The following MAMLD1 variants were observed in gnomAD, a reference collection of about 807,000 sequenced individuals.
MAMLD1 encodes the protein mastermind-like domain-containing protein 1.
Under a neutral mutation model 45.0 loss-of-function variants are expected in MAMLD1, and 14 were observed. The observed-to-expected ratio is 0.31, with a 90% CI of 0.21 to 0.49. MAMLD1 has a LOEUF of 0.49. Among genes scored for constraint, MAMLD1 ranks in the 20% least tolerant of loss-of-function variants. The pLI is 0.99. For missense variants in MAMLD1, 543 were observed against 603.6 expected (o/e 0.90, Z 1.05); for synonymous variants, 254 against 247.8 (o/e 1.02, Z -0.24).
chrX:150,382,496 T>C (rs1287702346), intron 1 of MAMLD1, among the ~76,000 whole-genome samples: 2 of 111,768 alleles, frequency 1.8e-5, no homozygotes, highest in African/African-American at 6.5e-5. Context: ...TAGAATAACC[T>C]TGTCTACGTC....
chrX:150,462,060 G>A (rs1557405641), intron 2 of MAMLD1, among the ~76,000 whole-genome samples: 1 of 111,998 alleles, frequency 8.9e-6, no homozygotes, highest in Non-Finnish European at 1.9e-5. Flanking sequence ...CAGTTACAGA[G>A]GCACTCCCTG....
chrX:150,370,766 C>T (rs2031917274), intron 1 of MAMLD1, among the ~76,000 whole-genome samples: 1 of 111,709 alleles, frequency 9.0e-6, no homozygotes, highest in South Asian at 3.7e-4. Flanking sequence ...GAGTTTTCTC[C>T]TAAAATCTGA....
At chrX:150,405,027 C>T (rs1336184070) in intron 1 of MAMLD1, among the ~76,000 whole-genome samples, 1 of 112,351 alleles carries the variant, frequency 8.9e-6, no homozygotes, top group Admixed American at 9.5e-5. Context: ...TTTCATTAGT[C>T]TTTGGCAAAT....
At chrX:150,429,661 T>G (rs1209131131) in intron 1 of MAMLD1, among the ~76,000 whole-genome samples, 2 of 111,650 alleles carry the variant, frequency 1.8e-5, no homozygotes, top group African/African-American at 6.5e-5. Flanking sequence ...ATATAAATTT[T>G]TGATATAAAC....
intron 1 of MAMLD1, among the ~76,000 whole-genome samples, chrX:150,417,996 T>C (rs1228668812): frequency 3.6e-5 from 4 of 110,732 alleles, no homozygotes; most frequent in Non-Finnish European, 7.6e-5. Flanking sequence ...TTGATTGGAA[T>C]AGTTTCAGAA....
Position 150,470,658 on chromosome X carries a change from C to A in MAMLD1, c.1085C>A (p.Pro362His). 8.3e-7 allele frequency: 1 copy of A among 1,211,949 alleles called. No individual in the cohort carries two copies. Among genetic ancestry groups the A allele is most frequent in the South Asian group, 1.8e-5 (1 of 57,006 alleles). The part of the protein sequence containing the change: ...PLPPPPPPFS[P>H]QSLMVSCMSS... ...CCACCACCACCACCCCCATTCAGCC[C>A]CCAGAGCCTCATGGTGTCCTGCATG... Residue 362 changes from proline to histidine, a missense_variant, in exon 4 of 8, where the codon CCC becomes CAC. Coordinates refer to ENST00000370401, the MANE Select transcript of MAMLD1 (RefSeq NM_005491.5).
chrX:150,443,452 C>A (rs112865828), intron 1 of MAMLD1, among the ~76,000 whole-genome samples: 3 of 104,952 alleles, frequency 2.9e-5, no homozygotes, highest in Non-Finnish European at 3.9e-5. Context: ...TACATGTGCA[C>A]AATGTGCAGG....
intron 5 of MAMLD1, among the ~76,000 whole-genome samples, chrX:150,489,657 G>GT (rs1557407848): frequency 9.2e-6 from 1 of 109,189 alleles, no homozygotes; most frequent in Non-Finnish European, 1.9e-5. Flanking sequence ...CACTGGGGCA[G>GT]TGGGGGTGTG....
intron 5 of MAMLD1, among the ~76,000 whole-genome samples, chrX:150,483,918 T>C (rs930296047): frequency 3.6e-5 from 4 of 112,604 alleles, no homozygotes; most frequent in African/African-American, 1.3e-4. Context: ...TTATTACTTT[T>C]CCCTGATTAA....
intron 1 of MAMLD1, among the ~76,000 whole-genome samples, chrX:150,419,741 T>C (rs1415192994): frequency 6.4e-5 from 4 of 62,188 alleles, no homozygotes; most frequent in African/African-American, 2.4e-4. Flanking sequence ...GAAAATTCTT[T>C]TCTTTAAGAA....
intron 1 of MAMLD1, among the ~76,000 whole-genome samples, chrX:150,398,494 T>TGGG (rs1557402337): frequency 2.7e-5 from 3 of 110,475 alleles, no homozygotes; most frequent in African/African-American, 9.9e-5. Context: ...GCTGTATCAG[T>TGGG]GGGGGTTGCA....
intron 1 of MAMLD1, among the ~76,000 whole-genome samples, chrX:150,390,669 T>C (rs891546626): frequency 1.8e-5 from 2 of 112,461 alleles, no homozygotes; most frequent in African/African-American, 6.5e-5. Context: ...GATGGCATTA[T>C]AACTTTTGCT....
intron 1 of MAMLD1, among the ~76,000 whole-genome samples, chrX:150,373,645 G>A (rs1557401304): frequency 2.7e-5 from 3 of 111,598 alleles, no homozygotes; most frequent in Non-Finnish European, 5.7e-5. Flanking sequence ...CAAATCCCGA[G>A]CAAATCGAGT....
chrX:150,494,889 CA>C (rs2037321473), intron 5 of MAMLD1, among the ~76,000 whole-genome samples: 3 of 73,250 alleles, frequency 4.1e-5, no homozygotes, highest in Admixed American at 1.3e-4. Context: ...TGCCTCAATA[CA>C]AAACAAACAA....
At chrX:150,426,155 G>C (rs187036485) in intron 1 of MAMLD1, among the ~76,000 whole-genome samples, 13 of 111,228 alleles carry the variant, frequency 1.2e-4, no homozygotes, top group East Asian at 8.5e-4. Context: ...TCCCAGGTCT[G>C]GTTTCCTGGA....
intron 1 of MAMLD1, among the ~76,000 whole-genome samples, chrX:150,393,579 A>G (rs1376905952): frequency 8.9e-6 from 1 of 112,212 alleles, no homozygotes; most frequent in African/African-American, 3.2e-5. Flanking sequence ...GAGAGCTCCT[A>G]CTGCTCCACA....
At chrX:150,371,239 G>C (rs1167996209) in intron 1 of MAMLD1, among the ~76,000 whole-genome samples, 1 of 111,272 alleles carries the variant, frequency 9.0e-6, no homozygotes, top group African/African-American at 3.3e-5. Flanking sequence ...CCTGCTGCTT[G>C]TTCTGCCAAG....
chrX:150,440,245 A>C (rs782255556), intron 1 of MAMLD1, among the ~76,000 whole-genome samples: 2 of 110,929 alleles, frequency 1.8e-5, no homozygotes, highest in Admixed American at 1.9e-4. Flanking sequence ...ATCATGGTAT[A>C]TAAATCTTTT....
At chrX:150,365,478 G>A (rs1461502830) in intron 1 of MAMLD1, among the ~76,000 whole-genome samples, 16 of 113,188 alleles carry the variant, frequency 1.4e-4, no homozygotes, top group African/African-American at 4.8e-4. Flanking sequence ...GGGGTGGGCA[G>A]ACGCGACTCG....
Sources: gnomAD v4.1 joint callset for allele counts (sites outside exome capture counted in the v4.1 genomes callset) on GRCh38, gnomAD v4.1.1 for gene constraint, MANE v1.5 for transcripts, NCBI Gene and HGNC (gene_info 2026-07-23, HGNC 2026-07-21) for gene names.